POLDIP2: variants seen among roughly 807,000 people sequenced by gnomAD.
POLDIP2 encodes polymerase delta-interacting protein 2.
A neutral mutation model predicts 52.9 loss-of-function variants in POLDIP2; 32 were observed. That is an observed-to-expected ratio of 0.61 (90% CI 0.46 to 0.81). The LOEUF (loss-of-function observed/expected upper bound fraction) is 0.81, where lower values mean the gene tolerates loss of function less well. Among genes scored for constraint, POLDIP2 ranks in the 40% least tolerant of loss-of-function variants. The pLI, the probability that POLDIP2 is intolerant of heterozygous loss-of-function variation, is 0.00. For missense variants in POLDIP2, 371 were observed against 477.3 expected (o/e 0.78, Z 2.07); for synonymous variants, 183 against 183.0 (o/e 1.00, Z 0.00).
chr17:28,349,264 C>G, intron 9 of POLDIP2, 102 bp from the exon 10 acceptor site: 1 of 741,072 alleles, frequency 1.3e-6, no homozygotes, highest in Non-Finnish European at 2.3e-6. Context: ...ACTGGATGTC[C>G]CCTACCCAGC....
chr17:28,352,237 CTTTT>C (rs782311219), intron 6 of POLDIP2, among the ~76,000 whole-genome samples: 33 of 87,676 alleles, frequency 3.8e-4, no homozygotes, highest in Non-Finnish European at 5.1e-4. Context: ...GGAATTATTT[CTTTT>C]TTTTTTTTTT....
Position 28,357,487 on chromosome 17 carries a change from C to CCG in POLDIP2, c.-41_-40dup, listed in dbSNP as rs1908113688. On this transcript the variant is annotated 5_prime_UTR_variant, in exon 1 of 11. Coordinates refer to ENST00000540200, the MANE Select transcript of POLDIP2 (RefSeq NM_015584.5). ...GCCCGCCCGGCTGCTGACACAGAGC[C>CCG]CGACCCGCGGCCGGGCGGCGTTCCG... 4 of 1,433,652 alleles carry CCG rather than the reference C, an allele frequency of 2.8e-6. No individual in the cohort carries two copies. Among genetic ancestry groups the CCG allele is most frequent in the Admixed American group, 3.0e-5 (1 of 33,728 alleles). 88.8% of individuals were successfully genotyped at this position (1,433,652 alleles called of 1,614,324 possible).
Position 28,348,041 on chromosome 17 carries a change from A to G in POLDIP2, c.*76T>C. The stretch of plus-strand genomic sequence containing the variant: ...CACTGTGGCCCATGATGGGGAGAGA[A>G]GAGTTCTGCAGCAATTGTGGGATGA... On this transcript the variant is annotated 3_prime_UTR_variant, in exon 11 of 11. Transcript: ENST00000540200. The G allele has an allele frequency of 3.6e-6, 3 of 831,090 alleles. No individual in the cohort carries two copies. The highest frequency in any genetic ancestry group is 4.1e-6 in the Non-Finnish European group (2 of 487,906). The allele number at this position is 831,090 out of a possible 1,614,324, so 51.5% of individuals were successfully genotyped here.
intron 2 of POLDIP2, among the ~76,000 whole-genome samples, chr17:28,355,585 C>T (rs111510869): frequency 0.022 from 3,328 of 151,926 alleles, 57 homozygotes; most frequent in Middle Eastern, 0.041. Flanking sequence ...CCAGCCTGGG[C>T]AACAAGACTG....
At chr17:28,354,363 G>A (rs1555580544) in intron 3 of POLDIP2, 125 bp downstream of exon 3, 19 of 692,404 alleles carry the variant, frequency 2.7e-5, no homozygotes, top group Non-Finnish European at 2.5e-5. Context: ...CTTAGTCCCA[G>A]AGAAGTACTC....
chr17:28,353,011 A>G lies in POLDIP2; in HGVS notation c.523T>C (p.Tyr175His), dbSNP rs1555580299. ...RALYAIPGLD[Y>H]VSHEDILPYT... ...GGGAGGATGTCTTCATGGCTGACATAGTCCAAGCCTGGCACAGAGATGCAA... is the reference window on the plus strand; with the variant it reads ...GGGAGGATGTCTTCATGGCTGACATGGTCCAAGCCTGGCACAGAGATGCAA... Residue 175 changes from tyrosine to histidine, a missense_variant, in exon 6 of 11, where the codon TAT becomes CAT. Coordinates refer to ENST00000540200, the MANE Select transcript of POLDIP2 (RefSeq NM_015584.5). The G allele has an allele frequency of 9.7e-7, 1 of 1,026,912 alleles. No individual in the cohort carries two copies. Among genetic ancestry groups the G allele is most frequent in the Non-Finnish European group, 1.6e-6 (1 of 643,576 alleles). 63.6% of individuals were successfully genotyped at this position (1,026,912 alleles called of 1,614,324 possible).
chr17:28,355,946 G>A, intron 1 of POLDIP2, 70 bp from the exon 2 acceptor site: 1 of 1,228,978 alleles, frequency 8.1e-7, no homozygotes, highest in Non-Finnish European at 1.2e-6. Context: ...ATAAGAAAAA[G>A]CTCCTAGGAT....
rs782510346 is a variant in POLDIP2, at chr17:28,351,719, C to T, written c.704G>A (p.Arg235Gln). The T allele has an allele frequency of 3.7e-6, 6 of 1,613,688 alleles. No individual in the cohort carries two copies. Among genetic ancestry groups the T allele is most frequent in the East Asian group, 2.2e-5 (1 of 44,896 alleles). The change falls in exon 7 of 11, where the codon CGG becomes CAG. Residue 235 changes from arginine (R) to glutamine (Q), a missense_variant. By Grantham distance (43) the Arg-to-Gln change is conservative. Transcript: ENST00000540200. ...GACACGTATGTTCTCAGTTGTTTCC[C>T]GATGAACATCGGAGAGCTCCAGCCA... ...HPWLELSDVH[R>Q]ETTENIRVTV...
At chr17:28,351,995 C>T (rs1156769133) in intron 6 of POLDIP2, among the ~76,000 whole-genome samples, 195 bp from the exon 7 acceptor site, 1 of 152,158 alleles carries the variant, frequency 6.6e-6, no homozygotes, top group South Asian at 2.1e-4. Flanking sequence ...CAAGAATAAG[C>T]CCTGAGGAGC....
At position 28,357,359 on chromosome 17, in the gene POLDIP2, G is replaced by C. The variant is rs554932156; in HGVS notation, c.90C>G (p.Leu30=). 1,002 of 1,564,282 alleles carry C rather than the reference G, an allele frequency of 6.4e-4. No individual in the cohort carries two copies. Among genetic ancestry groups the C allele is most frequent in the Non-Finnish European group, 7.8e-4 (913 of 1,166,008 alleles). ...SLTGARWPRP[L]CAAAGAGAFS... ...AGGCTCCAGCTCCGGCCGCCGCACA[G>C]AGCGGCCTTGGCCACCGGGCCCCAG... The change falls in exon 1 of 11, where the codon CTC becomes CTG. Residue 30 remains leucine (L), a synonymous_variant. Transcript: ENST00000540200.
chr17:28,348,112 C>A lies in POLDIP2; in HGVS notation c.*5G>T. Reference sequence around the variant, plus strand: ...CAAGCCTGGGCACTTGGGGCCTCAGCTGGCCTACCAGTGAAGGCCTGAGGG... The same window carrying A: ...CAAGCCTGGGCACTTGGGGCCTCAGATGGCCTACCAGTGAAGGCCTGAGGG... On this transcript the variant is annotated 3_prime_UTR_variant, in exon 11 of 11. Coordinates refer to ENST00000540200, the MANE Select transcript of POLDIP2 (RefSeq NM_015584.5). 1 of 1,581,618 alleles carries A rather than the reference C, an allele frequency of 6.3e-7. No individual in the cohort carries two copies. The highest frequency in any genetic ancestry group is 8.7e-7 in the Non-Finnish European group (1 of 1,150,342).
intron 2 of POLDIP2, among the ~76,000 whole-genome samples, chr17:28,355,523 C>T (rs1045500558): frequency 6.6e-6 from 1 of 152,156 alleles, no homozygotes; most frequent in Non-Finnish European, 1.5e-5. Flanking sequence ...AGGAGAACTG[C>T]TTAAACCCAG....
chr17:28,354,801 C>G (rs1567793498), intron 2 of POLDIP2, among the ~76,000 whole-genome samples: 1 of 152,208 alleles, frequency 6.6e-6, no homozygotes, highest in Non-Finnish European at 1.5e-5. Context: ...GCTTAGGCCT[C>G]CAGGAAGCCT....
chr17:28,355,543 C>G (rs1001184079), intron 2 of POLDIP2, among the ~76,000 whole-genome samples: 1 of 152,064 alleles, frequency 6.6e-6, no homozygotes, highest in Non-Finnish European at 1.5e-5. Flanking sequence ...GGAGGTGGAG[C>G]TTGCAGTGAG....
intron 2 of POLDIP2, among the ~76,000 whole-genome samples, chr17:28,354,839 A>T (rs1028092513): frequency 3.3e-5 from 5 of 152,196 alleles, no homozygotes; most frequent in Admixed American, 2.0e-4. Flanking sequence ...ACTTAGCACA[A>T]TGTACAGCTA....
At chr17:28,356,967 A>G (rs2142401657) in intron 1 of POLDIP2, among the ~76,000 whole-genome samples, 1 of 152,354 alleles carries the variant, frequency 6.6e-6, no homozygotes, top group East Asian at 1.9e-4. Flanking sequence ...GGTTCAAGCC[A>G]ATGCCCTAGG....
In POLDIP2 at chr17:28,354,516, G is replaced by T. The variant is rs781791169; in HGVS notation, c.313C>A (p.Arg105=). The change falls in exon 3 of 11, where the codon CGG becomes AGG. Residue 105 remains arginine, a synonymous_variant. Coordinates refer to ENST00000540200, the MANE Select transcript of POLDIP2 (RefSeq NM_015584.5). Reference sequence around the variant, plus strand: ...TCTGGAGCTGCAGAAGCCACATCCCGGTCATACAGTCTGGCCTGCCAGGGA... The same window carrying T: ...TCTGGAGCTGCAGAAGCCACATCCCTGTCATACAGTCTGGCCTGCCAGGGA... ...LFPWQARLYD[R]DVASAAPEKA... 5.8e-5 allele frequency: 90 copies of T among 1,559,562 alleles called. No homozygotes were observed. Among genetic ancestry groups the T allele is most frequent in the Non-Finnish European group, 7.3e-5 (84 of 1,151,638 alleles).
chr17:28,354,219 ACTTG>A (rs1907929545), intron 3 of POLDIP2, among the ~76,000 whole-genome samples: 1 of 152,106 alleles, frequency 6.6e-6, no homozygotes, highest in South Asian at 2.1e-4. Context: ...AATCAAGAAG[ACTTG>A]TCCCCCAAAT....
intron 9 of POLDIP2, among the ~76,000 whole-genome samples, chr17:28,349,853 C>T (rs1907731600): frequency 6.6e-6 from 1 of 152,188 alleles, no homozygotes; most frequent in African/African-American, 2.4e-5. Context: ...GAAGTGACTA[C>T]CTAAATCCAA....
Sources: allele counts gnomAD v4.1 joint callset (sites outside exome capture counted in the v4.1 genomes callset), GRCh38; gene constraint gnomAD v4.1.1; transcripts MANE v1.5; gene names NCBI Gene and HGNC (gene_info 2026-07-23, HGNC 2026-07-21).